CDH13: variants seen among roughly 807,000 people sequenced by gnomAD.
The protein encoded by CDH13 is cadherin-13.
CDH13 carries 24 observed loss-of-function variants against 63.8 expected under a neutral mutation model. The ratio of observed to expected loss-of-function variants is 0.38; its 90% CI spans 0.27 to 0.53. The LOEUF (loss-of-function observed/expected upper bound fraction) is 0.53. Among genes scored for constraint, CDH13 ranks in the 20% least tolerant of loss-of-function variants. The pLI, the probability that CDH13 is intolerant of heterozygous loss-of-function variation, is 0.85. For synonymous variants in CDH13, 503 were observed against 355.3 expected, an observed-to-expected ratio of 1.42 and a Z score of -4.67; for missense variants, 1,049 against 903.1, an observed-to-expected ratio of 1.16 and a Z score of -2.07.
intron 7 of CDH13, among the ~76,000 whole-genome samples, chr16:83,494,651 G>C (rs2074094598): frequency 6.6e-6 from 1 of 152,206 alleles, no homozygotes; most frequent in African/African-American, 2.4e-5. Context: ...GGTTAGAACA[G>C]CTGCAATATG....
At chr16:83,495,469 G>C (rs1249393407) in intron 7 of CDH13, among the ~76,000 whole-genome samples, 3 of 152,148 alleles carry the variant, frequency 2.0e-5, no homozygotes, top group Admixed American at 1.3e-4. Flanking sequence ...AGACTAGATG[G>C]TAAATGTTTC....
At chr16:83,110,070 T>C (rs2034986250) in intron 3 of CDH13, among the ~76,000 whole-genome samples, 1 of 152,226 alleles carries the variant, frequency 6.6e-6, no homozygotes, top group Non-Finnish European at 1.5e-5. Flanking sequence ...GAGCAAATGG[T>C]AGAATATGTG....
chr16:83,182,686 C>T (rs1378856681), intron 4 of CDH13, among the ~76,000 whole-genome samples: 1 of 152,194 alleles, frequency 6.6e-6, no homozygotes, highest in Non-Finnish European at 1.5e-5. Context: ...TTACCAAGTA[C>T]TTTACTTGTA....
At chr16:83,539,967 CT>C (rs1202664788) in intron 7 of CDH13, among the ~76,000 whole-genome samples, 1 of 152,114 alleles carries the variant, frequency 6.6e-6, no homozygotes, top group Non-Finnish European at 1.5e-5. Context: ...CATTCTTTGA[CT>C]TTAGATAAAA....
intron 6 of CDH13, among the ~76,000 whole-genome samples, chr16:83,464,275 G>C (rs1170769011): frequency 6.6e-6 from 1 of 152,088 alleles, no homozygotes; most frequent in East Asian, 2.0e-4. Flanking sequence ...CACTTTGGGA[G>C]GCCAAGGTGG....
chr16:83,240,717 C>CTTTT (rs56753707), intron 5 of CDH13, among the ~76,000 whole-genome samples: 3,959 of 81,548 alleles, frequency 0.049, 745 homozygotes, highest in African/African-American at 0.087. Context: ...CTGTCTTAAT[C>CTTTT]TTTTTTTTTT....
At chr16:83,016,530 T>C (rs1914814186) in intron 2 of CDH13, among the ~76,000 whole-genome samples, 1 of 152,150 alleles carries the variant, frequency 6.6e-6, no homozygotes, top group Admixed American at 6.5e-5. Flanking sequence ...AGGAGAAAAT[T>C]TTCAAGGTGT....
intron 2 of CDH13, among the ~76,000 whole-genome samples, chr16:82,989,290 G>A (rs1205558395): frequency 6.6e-6 from 1 of 152,144 alleles, no homozygotes; most frequent in Non-Finnish European, 1.5e-5. Flanking sequence ...GCATCCCTGG[G>A]TGTCCTCAGA....
At chr16:83,247,205 C>A (rs909968956) in intron 5 of CDH13, among the ~76,000 whole-genome samples, 1 of 152,106 alleles carries the variant, frequency 6.6e-6, no homozygotes, top group African/African-American at 2.4e-5. Flanking sequence ...GGGGTTTTAG[C>A]AGGTCATTTA....
Position 83,497,650 on chromosome 16 carries a change from T to A in CDH13, c.960+10995T>A, listed in dbSNP as rs560477960. On this transcript the variant is annotated intron_variant, in intron 7 of 13. Transcript: ENST00000567109. ...ACAATGTGCACATGTACCCTAAAAC[T>A]TTAATAAAAAAAAAAGTGACCATTA... Among the ~76,000 whole-genome samples, 11 of 151,676 alleles carry A rather than the reference T, an allele frequency of 7.3e-5. 1 individual carries two copies. In the East Asian group the frequency reaches 1.9e-3, roughly 27 times the overall value.
intron 7 of CDH13, among the ~76,000 whole-genome samples, chr16:83,541,955 A>C (rs548270216): frequency 6.6e-6 from 1 of 152,348 alleles, no homozygotes; most frequent in South Asian, 2.1e-4. Context: ...GCAAGTGTCC[A>C]GCATTTGGAA....
intron 4 of CDH13, among the ~76,000 whole-genome samples, chr16:83,153,725 G>A (rs1311332163): frequency 6.6e-6 from 1 of 152,142 alleles, no homozygotes; most frequent in Non-Finnish European, 1.5e-5. Flanking sequence ...AGACTCAGAA[G>A]GAACCAACCC....
intron 6 of CDH13, 146 bp downstream of exon 6, chr16:83,345,152 G>T (rs1272110409): frequency 1.6e-5 from 14 of 878,322 alleles, no homozygotes; most frequent in Non-Finnish European, 2.0e-5. Flanking sequence ...TAGAAGCCAG[G>T]TTGGAAAGCT....
At position 83,214,577 on chromosome 16, in the gene CDH13, C is replaced by A. The variant is rs1381615541; in HGVS notation, c.484-2768C>A. 1.2e-3 allele frequency among the ~76,000 whole-genome samples: 3 copies of A among 2,470 alleles called. No individual in the cohort carries two copies. In the Non-Finnish European group the frequency reaches 0.024, roughly 20 times the overall value. 1.6% of individuals were successfully genotyped at this position (2,470 alleles called of 152,430 possible). ...CCTGGGTGACAGAGTGAGACTCTGT[C>A]TCAAAAAAAAAAAAAAAAAAAAAAA... On this transcript the variant is annotated intron_variant, in intron 4 of 13. Transcript: ENST00000567109.
At chr16:82,921,162 A>G (rs1006163175) in intron 2 of CDH13, among the ~76,000 whole-genome samples, 3 of 152,204 alleles carry the variant, frequency 2.0e-5, no homozygotes, top group African/African-American at 7.2e-5. Flanking sequence ...ACAGATTACC[A>G]TAAATTTGGT....
chr16:82,769,329 C>T (rs569426407), intron 1 of CDH13, among the ~76,000 whole-genome samples: 1 of 152,184 alleles, frequency 6.6e-6, no homozygotes, highest in East Asian at 1.9e-4. Flanking sequence ...ACAGTGCAAT[C>T]CTAATTATAC....
At chr16:83,264,543 T>C (rs1366654527) in intron 5 of CDH13, among the ~76,000 whole-genome samples, 1 of 64,376 alleles carries the variant, frequency 1.6e-5, no homozygotes, top group Non-Finnish European at 3.2e-5. Context: ...TGTGTGTGTA[T>C]ATATATGTAT....
chr16:82,639,430 C>A lies in CDH13; in HGVS notation c.45+12293C>A, dbSNP rs1369359951. 9 of 1,535,482 alleles carry A rather than the reference C, an allele frequency of 5.9e-6. No homozygotes were observed. In the East Asian group the frequency reaches 2.0e-4, roughly 33 times the overall value. The stretch of plus-strand genomic sequence containing the variant: ...TCCCAGTGAGAATGGCCCACAGATG[C>A]CTGGGCGTGACCCACCTGCAGCTTC... On this transcript the variant is annotated intron_variant, in intron 1 of 13. Transcript: ENST00000567109.
At chr16:83,597,759 A>G (rs1223763265) in intron 7 of CDH13, among the ~76,000 whole-genome samples, 11 of 152,226 alleles carry the variant, frequency 7.2e-5, no homozygotes, top group Non-Finnish European at 2.9e-5. Context: ...TTCTCATTAT[A>G]GGTGCAAAGT....
Sources: gnomAD v4.1 joint callset for allele counts (sites outside exome capture counted in the v4.1 genomes callset) on GRCh38, gnomAD v4.1.1 for gene constraint, MANE v1.5 for transcripts, NCBI Gene and HGNC (gene_info 2026-07-23, HGNC 2026-07-21) for gene names.